Variants in SLC24A4 observed in about 807,000 individuals in gnomAD.
SLC24A4 encodes solute carrier family 24 member 4, also known as sodium/potassium/calcium exchanger 4.
Under a neutral mutation model 79.0 loss-of-function variants are expected in SLC24A4, and 53 were observed. The ratio of observed to expected loss-of-function variants is 0.67; its 90% confidence interval spans 0.54 to 0.84. The LOEUF (loss-of-function observed/expected upper bound fraction) is 0.84, where lower values mean the gene tolerates loss of function less well. Ranked by LOEUF, SLC24A4 falls within the 40% of genes least tolerant of loss-of-function variation. The pLI, the probability that SLC24A4 is intolerant of heterozygous loss-of-function variation, is 0.00. For synonymous variants in SLC24A4, 323 were observed against 323.8 expected (o/e 1.00, Z 0.03); for missense variants, 731 against 822.0 (o/e 0.89, Z 1.35).
In SLC24A4 at chr14:92,499,584, T is replaced by G. The variant is rs1168846243; in HGVS notation, c.*5956T>G. The G allele has an allele frequency of 6.7e-6, 1 of 149,390 alleles. No individual in the cohort carries two copies. The highest frequency in any genetic ancestry group is 1.5e-5 in the Non-Finnish European group (1 of 67,308). 9.3% of individuals were successfully genotyped at this position (149,390 alleles called of 1,614,324 possible). ...TTGCCCAGGCTGGAGTGCAGTGGCTTGATCACAGCTCACGAAAGCCTCAAA... is the reference window on the plus strand; with the variant it reads ...TTGCCCAGGCTGGAGTGCAGTGGCTGGATCACAGCTCACGAAAGCCTCAAA... On this transcript the variant is annotated 3_prime_UTR_variant, in exon 17 of 17. Coordinates refer to ENST00000532405, the MANE Select transcript of SLC24A4 (RefSeq NM_153646.4).
intron 2 of SLC24A4, among the ~76,000 whole-genome samples, chr14:92,349,090 A>G (rs1886715673): frequency 6.6e-6 from 1 of 152,144 alleles, no homozygotes; most frequent in Non-Finnish European, 1.5e-5. Context: ...TAAAAAAAAA[A>G]AGGCCTGTGT....
In SLC24A4 at chr14:92,336,726, G is replaced by A. The variant is rs200661969; in HGVS notation, c.241+10748G>A. 9.8e-5 allele frequency among the ~76,000 whole-genome samples: 15 copies of A among 152,306 alleles called. No homozygotes were observed. In the East Asian group the frequency reaches 1.3e-3, roughly 14 times the overall value. On this transcript the variant is annotated intron_variant, in intron 2 of 16. Coordinates refer to ENST00000532405, the MANE Select transcript of SLC24A4 (RefSeq NM_153646.4). ...CCAAGCCACCTGCCGCAAATACCAC[G>A]GTGGGGGATCTTCCTAGGGAGGGTG...
chr14:92,412,455 G>A (rs187521909), intron 2 of SLC24A4, among the ~76,000 whole-genome samples: 7 of 152,278 alleles, frequency 4.6e-5, no homozygotes, highest in Non-Finnish European at 7.4e-5. Flanking sequence ...TCAACGCCCC[G>A]CACTCTGAGT....
rs769616059 is a variant in SLC24A4, at chr14:92,439,420, G to C, written c.393+11G>C. ...GAGAAGATCTGTGAGGTATGTGGAA[G>C]GGACTTGGGACACCTTGGTGAAGCC... is the stretch of plus-strand genomic sequence containing the variant. On this transcript the variant is annotated intron_variant, in intron 4 of 16. Transcript: ENST00000532405. The C allele has an allele frequency of 6.2e-7, 1 of 1,609,632 alleles. No homozygotes were observed. The highest frequency in any genetic ancestry group is 8.5e-7 in the Non-Finnish European group (1 of 1,176,094).
At chr14:92,466,923 C>T (rs188296637) in intron 12 of SLC24A4, among the ~76,000 whole-genome samples, 1 of 152,354 alleles carries the variant, frequency 6.6e-6, no homozygotes, top group East Asian at 1.9e-4. Flanking sequence ...AAATACTCCC[C>T]AATGCTCATA....
At chr14:92,372,474 G>C (rs1274701355) in intron 2 of SLC24A4, among the ~76,000 whole-genome samples, 1 of 152,162 alleles carries the variant, frequency 6.6e-6, no homozygotes, top group East Asian at 1.9e-4. Flanking sequence ...TGTGTGCTCA[G>C]CCCCTGGGGT....
chr14:92,431,176 G>T (rs1891849545), intron 2 of SLC24A4, among the ~76,000 whole-genome samples: 2 of 152,210 alleles, frequency 1.3e-5, no homozygotes, highest in South Asian at 4.1e-4. Flanking sequence ...TGTGTTCTGT[G>T]GAGTTGTGGG....
At position 92,433,924 on chromosome 14, in the gene SLC24A4, T is replaced by TC. The variant is rs1566762974; in HGVS notation, c.258dup (p.Thr87HisfsTer7). On this transcript the variant is annotated frameshift_variant, in exon 3 of 17. Transcript: ENST00000532405. LOFTEE classifies it high-confidence loss of function. ...TCCTGTCTTCCAGCGATTCACGAGT[T>TC]CCCCACAGATCTGTTCTCCAATAAG... 1.9e-6 allele frequency: 3 copies of TC among 1,613,996 alleles called. No homozygotes were observed.
intron 2 of SLC24A4, among the ~76,000 whole-genome samples, chr14:92,366,712 G>A (rs543019922): frequency 3.9e-5 from 6 of 152,348 alleles, no homozygotes; most frequent in Non-Finnish European, 7.3e-5. Flanking sequence ...AATCCACACC[G>A]ATATGGCCTA....
At chr14:92,474,333 C>T (rs1430956503) in intron 12 of SLC24A4, among the ~76,000 whole-genome samples, 2 of 152,158 alleles carry the variant, frequency 1.3e-5, no homozygotes, top group Admixed American at 1.3e-4. Flanking sequence ...GGGCTGGGAG[C>T]TCTGCTCTCT....
intron 12 of SLC24A4, among the ~76,000 whole-genome samples, chr14:92,476,737 A>T (rs1466541983): frequency 6.6e-6 from 1 of 152,122 alleles, no homozygotes; most frequent in Non-Finnish European, 1.5e-5. Context: ...CCTGGCAACC[A>T]CTAATCTACT....
intron 12 of SLC24A4, among the ~76,000 whole-genome samples, chr14:92,467,261 C>T (rs1437167585): frequency 1.3e-5 from 2 of 152,196 alleles, no homozygotes; most frequent in African/African-American, 4.8e-5. Flanking sequence ...AAAGACCAAT[C>T]AATGTGATAT....
intron 2 of SLC24A4, among the ~76,000 whole-genome samples, chr14:92,339,668 A>G (rs555546430): frequency 1.2e-4 from 18 of 152,302 alleles, no homozygotes; most frequent in African/African-American, 3.6e-4. Flanking sequence ...TCATCCTGTA[A>G]TGTACGTTGG....
chr14:92,474,321 C>T lies in SLC24A4; in HGVS notation c.1256-8359C>T, dbSNP rs530290632. 1.4e-4 allele frequency among the ~76,000 whole-genome samples: 21 copies of T among 152,220 alleles called. No homozygotes were observed. The East Asian group carries it at 2.5e-3, about 18-fold the overall frequency. ...GTTGAGTTCTGCCATGAGTCAGGGG[C>T]GGGGCTGGGAGCTCTGCTCTCTTCC... On this transcript the variant is annotated intron_variant, in intron 12 of 16. Transcript: ENST00000532405.
intron 2 of SLC24A4, among the ~76,000 whole-genome samples, chr14:92,346,214 C>A (rs1201570554): frequency 6.6e-6 from 1 of 152,192 alleles, no homozygotes; most frequent in African/African-American, 2.4e-5. Flanking sequence ...TTGACCCACT[C>A]TGCTTTCATG....
chr14:92,397,767 A>C (rs1179617069), intron 2 of SLC24A4, among the ~76,000 whole-genome samples: 2 of 152,236 alleles, frequency 1.3e-5, no homozygotes, highest in East Asian at 3.8e-4. Context: ...GTCATTATCT[A>C]GTGCTGCAAG....
At chr14:92,440,595 C>T (rs750488377) in intron 4 of SLC24A4, among the ~76,000 whole-genome samples, 4 of 151,942 alleles carry the variant, frequency 2.6e-5, no homozygotes, top group South Asian at 2.1e-4. Context: ...TGGGTGACTA[C>T]AGTGTAGGGC....
intron 2 of SLC24A4, among the ~76,000 whole-genome samples, chr14:92,416,200 T>G (rs1890977808): frequency 6.6e-6 from 1 of 152,006 alleles, no homozygotes; most frequent in South Asian, 2.1e-4. Flanking sequence ...TCAGCTTAGA[T>G]GTGAGGCCTA....
In SLC24A4 at chr14:92,495,485, G is replaced by A. The variant is rs1895892577; in HGVS notation, c.*1857G>A. 1 of 152,118 alleles carries A rather than the reference G, an allele frequency of 6.6e-6. No homozygotes were observed. The highest frequency in any genetic ancestry group is 6.5e-5 in the Admixed American group (1 of 15,268). 9.4% of individuals were successfully genotyped at this position (152,118 alleles called of 1,614,324 possible). ...AAAGAGGGAAGGCAGGGCCCCTGTA[G>A]ATTCACCAGTATAAACTTCAGCTGC... is the stretch of plus-strand genomic sequence containing the variant. On this transcript the variant is annotated 3_prime_UTR_variant, in exon 17 of 17. Coordinates refer to ENST00000532405, the MANE Select transcript of SLC24A4 (RefSeq NM_153646.4).
Sources: allele counts gnomAD v4.1 joint callset (sites outside exome capture counted in the v4.1 genomes callset), GRCh38; gene constraint gnomAD v4.1.1; transcripts MANE v1.5; gene names NCBI Gene and HGNC (gene_info 2026-07-23, HGNC 2026-07-21).